SCAMP1: variants seen among roughly 807,000 people sequenced by gnomAD.
SCAMP1 encodes secretory carrier membrane protein 1, also known as secretory carrier-associated membrane protein 1.
Under a neutral mutation model 41.8 loss-of-function variants are expected in SCAMP1, and 15 were observed. That is an observed-to-expected ratio of 0.36 (90% CI 0.24 to 0.55). The LOEUF (loss-of-function observed/expected upper bound fraction) is 0.55, where lower values mean the gene tolerates loss of function less well. Ranked by LOEUF, SCAMP1 falls within the 20% of genes least tolerant of loss-of-function variation. The pLI, the probability that SCAMP1 is intolerant of heterozygous loss-of-function variation, is 0.86. For missense variants in SCAMP1, 341 were observed against 412.6 expected, an observed-to-expected ratio of 0.83 and a Z score of 1.50; for synonymous variants, 135 against 136.8, an observed-to-expected ratio of 0.99 and a Z score of 0.09.
chr5:78,459,462 C>G, intron 8 of SCAMP1, 100 bp downstream of exon 8: 1 of 638,840 alleles, frequency 1.6e-6, no homozygotes, highest in South Asian at 2.0e-5. Flanking sequence ...GCCATTTTAT[C>G]GTTATTGTAT....
rs1752626777 is a variant in SCAMP1 at position 78,431,626 on chromosome 5, T to C, written c.632+9666T>C. Among the ~76,000 whole-genome samples, 9 of 151,592 alleles carry C rather than the reference T, an allele frequency of 5.9e-5. No homozygotes were observed. The Admixed American group carries it at 5.9e-4, about 10-fold the overall frequency. On this transcript the variant is annotated intron_variant, in intron 6 of 8. Coordinates refer to ENST00000621999, the MANE Select transcript of SCAMP1 (RefSeq NM_004866.6). ...ATTTATATCTCTTAAAACTGTTTTT[T>C]AGTGATGCCCTAATTTTTACAATAT...
intron 8 of SCAMP1, among the ~76,000 whole-genome samples, chr5:78,468,877 C>G (rs1460060415): frequency 6.6e-6 from 1 of 151,988 alleles, no homozygotes; most frequent in Non-Finnish European, 1.5e-5. Flanking sequence ...TGATAGTTTT[C>G]TTAGGTGAAA....
chr5:78,404,835 A>G lies in SCAMP1; in HGVS notation c.136-10685A>G, dbSNP rs139137467. 1.3e-4 allele frequency among the ~76,000 whole-genome samples: 20 copies of G among 152,220 alleles called. No homozygotes were observed. The East Asian group carries it at 3.9e-3, about 29-fold the overall frequency. On this transcript the variant is annotated intron_variant, in intron 2 of 8. Coordinates refer to ENST00000621999, the MANE Select transcript of SCAMP1 (RefSeq NM_004866.6). Reference sequence around the variant, plus strand: ...CTCCACTTGTTAGAAGAAGGAGGGGATTTTTTTCTCCATGTACTATGAGTT... The same window carrying G: ...CTCCACTTGTTAGAAGAAGGAGGGGGTTTTTTTCTCCATGTACTATGAGTT...
At chr5:78,372,519 C>T (rs746579328) in intron 1 of SCAMP1, among the ~76,000 whole-genome samples, 1 of 151,666 alleles carries the variant, frequency 6.6e-6, no homozygotes, top group Non-Finnish European at 1.5e-5. Context: ...GAAAAGTAAT[C>T]ATAACCTTAA....
chr5:78,431,248 A>G (rs1752613411), intron 6 of SCAMP1, among the ~76,000 whole-genome samples: 2 of 151,736 alleles, frequency 1.3e-5, no homozygotes. Context: ...ATGTTCTAAA[A>G]TGCTTCAAAA....
At chr5:78,444,720 G>A (rs1753012924) in intron 6 of SCAMP1, among the ~76,000 whole-genome samples, 1 of 152,164 alleles carries the variant, frequency 6.6e-6, no homozygotes, top group African/African-American at 2.4e-5. Context: ...TCTGTGAGCA[G>A]GACATTACTT....
intron 4 of SCAMP1, among the ~76,000 whole-genome samples, chr5:78,416,998 A>T (rs1752226513): frequency 6.6e-6 from 1 of 152,212 alleles, no homozygotes; most frequent in African/African-American, 2.4e-5. Context: ...TGTACCCTAC[A>T]TTTGACTTTT....
chr5:78,409,418 T>C (rs1419412186), intron 2 of SCAMP1, among the ~76,000 whole-genome samples: 2 of 68,968 alleles, frequency 2.9e-5, no homozygotes, highest in Admixed American at 1.8e-4. Flanking sequence ...GAGACACATA[T>C]AGATACACAC....
At chr5:78,402,049 C>G (rs550071571) in intron 2 of SCAMP1, among the ~76,000 whole-genome samples, 2 of 152,104 alleles carry the variant, frequency 1.3e-5, no homozygotes, top group Admixed American at 1.3e-4. Context: ...GCTCAAAATA[C>G]TTTAAAATTT....
At chr5:78,421,052 C>T (rs541634962) in intron 5 of SCAMP1, among the ~76,000 whole-genome samples, 4 of 152,246 alleles carry the variant, frequency 2.6e-5, no homozygotes, top group African/African-American at 9.6e-5. Context: ...TACAATGGGT[C>T]AAAGTAGTTC....
intron 2 of SCAMP1, among the ~76,000 whole-genome samples, chr5:78,392,870 G>T (rs75463222): frequency 6.6e-6 from 1 of 152,126 alleles, no homozygotes; most frequent in African/African-American, 2.4e-5. Flanking sequence ...GATTTAAGTG[G>T]TATATTAGCA....
At chr5:78,445,245 G>T (rs1433949783) in intron 6 of SCAMP1, among the ~76,000 whole-genome samples, 1 of 152,204 alleles carries the variant, frequency 6.6e-6, no homozygotes, top group Non-Finnish European at 1.5e-5. Flanking sequence ...AAATTGTGCT[G>T]CAGCTTGACT....
chr5:78,412,618 A>G lies in SCAMP1; in HGVS notation c.136-2902A>G, dbSNP rs141363615. ...TTGTCAGAGTTTGTTTTTCTATCTC[A>G]TGGTTTTGAAATGATATATGATTGT... On this transcript the variant is annotated intron_variant, in intron 2 of 8. Transcript: ENST00000621999. Among the ~76,000 whole-genome samples, 4 of 152,176 alleles carry G rather than the reference A, an allele frequency of 2.6e-5. 1 individual carries two copies. Among genetic ancestry groups the G allele is most frequent in the Middle Eastern group, 6.8e-3 (2 of 294 alleles).
At chr5:78,376,049 C>A (rs1751056654) in intron 1 of SCAMP1, among the ~76,000 whole-genome samples, 1 of 152,056 alleles carries the variant, frequency 6.6e-6, no homozygotes, top group Non-Finnish European at 1.5e-5. Flanking sequence ...TTCATACACC[C>A]CCTCCCCTTT....
chr5:78,468,812 A>G (rs1753803639), intron 8 of SCAMP1, among the ~76,000 whole-genome samples: 1 of 152,130 alleles, frequency 6.6e-6, no homozygotes, highest in African/African-American at 2.4e-5. Context: ...ATTAAGTCTC[A>G]TTAGTTGGTG....
At chr5:78,472,652 T>A (rs1392069628) in intron 8 of SCAMP1, among the ~76,000 whole-genome samples, 1 of 152,136 alleles carries the variant, frequency 6.6e-6, no homozygotes, top group African/African-American at 2.4e-5. Flanking sequence ...ATATATGTGG[T>A]CTTTTCCCTC....
At position 78,397,843 on chromosome 5, in the gene SCAMP1, G is replaced by C. The variant is rs150386400; in HGVS notation, c.135+8929G>C. Reference sequence around the variant, plus strand: ...GAAGATAAATGGCCAATAAGCAGGTGAAAAAATGTTCAACATTGTTAGCTG... The same window carrying C: ...GAAGATAAATGGCCAATAAGCAGGTCAAAAAATGTTCAACATTGTTAGCTG... On this transcript the variant is annotated intron_variant, in intron 2 of 8. Coordinates refer to ENST00000621999, the MANE Select transcript of SCAMP1 (RefSeq NM_004866.6). 3.9e-5 allele frequency among the ~76,000 whole-genome samples: 6 copies of C among 152,210 alleles called. No individual in the cohort carries two copies. The East Asian group carries it at 1.2e-3, about 29-fold the overall frequency.
chr5:78,425,475 C>CT (rs1474867867), intron 6 of SCAMP1, among the ~76,000 whole-genome samples: 3 of 151,984 alleles, frequency 2.0e-5, no homozygotes, highest in South Asian at 4.1e-4. Context: ...ACTCCCAAAC[C>CT]TTTTTTTAGC....
intron 6 of SCAMP1, among the ~76,000 whole-genome samples, chr5:78,448,560 A>G (rs1466216544): frequency 1.3e-5 from 2 of 152,264 alleles, no homozygotes; most frequent in Non-Finnish European, 2.9e-5. Context: ...ATGCTCAACA[A>G]CATTACTTAT....
Sources: gnomAD v4.1 joint callset for allele counts (sites outside exome capture counted in the v4.1 genomes callset) on GRCh38, gnomAD v4.1.1 for gene constraint, MANE v1.5 for transcripts, NCBI Gene and HGNC (gene_info 2026-07-23, HGNC 2026-07-21) for gene names.